Variants in ADGRL4 observed in about 807,000 individuals in gnomAD.
The protein encoded by ADGRL4 is adhesion G protein-coupled receptor L4, also known as EGF, latrophilin and seven transmembrane domain containing 1.
A neutral mutation model predicts 74.8 loss-of-function variants in ADGRL4; 90 were observed. The observed-to-expected ratio is 1.20, with a 90% CI of 1.02 to 1.43. ADGRL4 has a LOEUF of 1.43. Ranked by LOEUF, ADGRL4 falls within the 40% of genes most tolerant of loss-of-function variation. The probability of loss-of-function intolerance (pLI) is 0.00; values close to 1 mark genes in which losing one functional copy is unlikely to be tolerated. For synonymous variants in ADGRL4, 311 were observed against 279.2 expected (o/e 1.11, Z -1.14); for missense variants, 881 against 814.3 (o/e 1.08, Z -1.00).
At chr1:78,924,109 A>G (rs1028265985) in intron 8 of ADGRL4, among the ~76,000 whole-genome samples, 5 of 151,960 alleles carry the variant, frequency 3.3e-5, no homozygotes, top group African/African-American at 1.2e-4. Flanking sequence ...TTCAAAAGAC[A>G]ATAAATTTTA....
chr1:78,988,886 T>C (rs1650549523), intron 2 of ADGRL4, among the ~76,000 whole-genome samples: 1 of 151,864 alleles, frequency 6.6e-6, no homozygotes, highest in Admixed American at 6.6e-5. Flanking sequence ...TTTCCCAGAA[T>C]TAAAAATATA....
At chr1:78,913,868 C>G (rs17412231) in intron 12 of ADGRL4, among the ~76,000 whole-genome samples, 13,302 of 151,908 alleles carry the variant, frequency 0.088, 805 homozygotes, top group Non-Finnish European at 0.14. Flanking sequence ...TGAGGGATAG[C>G]AAGGCCCCGA....
intron 2 of ADGRL4, among the ~76,000 whole-genome samples, chr1:78,959,783 G>A (rs1250937165): frequency 1.3e-5 from 2 of 152,040 alleles, no homozygotes; most frequent in East Asian, 1.9e-4. Context: ...GAGCATTCAC[G>A]TACCTTGCTC....
At chr1:79,000,836 A>T (rs1650825231) in intron 2 of ADGRL4, among the ~76,000 whole-genome samples, 1 of 152,260 alleles carries the variant, frequency 6.6e-6, no homozygotes, top group East Asian at 1.9e-4. Context: ...AAAGAAATAT[A>T]AACCTCTCTT....
At chr1:78,993,653 C>G (rs1243798975) in intron 2 of ADGRL4, among the ~76,000 whole-genome samples, 2 of 151,822 alleles carry the variant, frequency 1.3e-5, no homozygotes, top group African/African-American at 2.4e-5. Context: ...ACTGAAAGCT[C>G]CACCTCCTGG....
At chr1:78,966,649 C>T (rs766426163) in intron 2 of ADGRL4, among the ~76,000 whole-genome samples, 1 of 152,166 alleles carries the variant, frequency 6.6e-6, no homozygotes, top group African/African-American at 2.4e-5. Context: ...CTCACTCCCC[C>T]TCCTCTTCCA....
At chr1:78,982,881 G>GA (rs1449260483) in intron 2 of ADGRL4, among the ~76,000 whole-genome samples, 1 of 151,770 alleles carries the variant, frequency 6.6e-6, no homozygotes, top group Admixed American at 6.6e-5. Context: ...AGCTAAGACT[G>GA]AAAAAATTGT....
rs111779271 is a variant in ADGRL4 at position 78,951,406 on chromosome 1, G to A, written c.173-4980C>T. Among the ~76,000 whole-genome samples the A allele has an allele frequency of 3.2e-3, 488 of 152,232 alleles. 2 individuals are homozygous for A. Among genetic ancestry groups the A allele is most frequent in the African/African-American group, 0.011 (469 of 41,544 alleles). ...AGAAAAAGCCTTTGGGGTTTCACAT[G>A]GTTCAGCCCAACTTGCCAGTAAACT... On this transcript the variant is annotated intron_variant, in intron 2 of 14. Transcript: ENST00000370742.
chr1:79,000,904 T>A (rs1226319714), intron 2 of ADGRL4, among the ~76,000 whole-genome samples: 1 of 152,128 alleles, frequency 6.6e-6, no homozygotes, highest in Admixed American at 6.6e-5. Context: ...CTTTTTCAAG[T>A]TTGCTGTAGT....
At chr1:78,939,034 T>G (rs1649419400) in intron 4 of ADGRL4, among the ~76,000 whole-genome samples, 154 bp downstream of exon 4, 1 of 152,092 alleles carries the variant, frequency 6.6e-6, no homozygotes, top group Admixed American at 6.5e-5. Context: ...CTATCTTTGA[T>G]GCAAACATGA....
chr1:78,944,195 A>G (rs1649548567), intron 3 of ADGRL4, among the ~76,000 whole-genome samples: 1 of 152,190 alleles, frequency 6.6e-6, no homozygotes, highest in Non-Finnish European at 1.5e-5. Context: ...AAACATGATC[A>G]GATAAAAAGA....
At chr1:78,923,542 T>C (rs1043836036) in intron 8 of ADGRL4, among the ~76,000 whole-genome samples, 1 of 151,874 alleles carries the variant, frequency 6.6e-6, no homozygotes, top group Non-Finnish European at 1.5e-5. Context: ...CCCAGACATC[T>C]GAGGACAAGC....
rs755397265 is a variant in ADGRL4 at position 78,921,576 on chromosome 1, G to A, written c.1257+37C>T. The A allele has an allele frequency of 7.0e-6, 9 of 1,293,904 alleles. No homozygotes were observed. The African/African-American group carries it at 1.2e-4, about 18-fold the overall frequency. 80.2% of individuals were successfully genotyped at this position (1,293,904 alleles called of 1,614,324 possible). A position where few individuals can be genotyped will look rare whatever the true frequency, so the allele number is the denominator to read the frequency against. On this transcript the variant is annotated intron_variant, in intron 9 of 14. Transcript: ENST00000370742. ...ATGATGCGGAAAAAAAACAGAAAAA[G>A]CAACATTTATAAATATGAAGGGGAA...
intron 2 of ADGRL4, among the ~76,000 whole-genome samples, chr1:78,967,894 T>C (rs1026959023): frequency 3.9e-5 from 6 of 152,158 alleles, no homozygotes; most frequent in Non-Finnish European, 8.8e-5. Flanking sequence ...TGTTTTAAAC[T>C]GCTACCATAT....
At chr1:78,941,274 TATC>T (rs1214761397) in intron 3 of ADGRL4, among the ~76,000 whole-genome samples, 1 of 152,192 alleles carries the variant, frequency 6.6e-6, no homozygotes, top group African/African-American at 2.4e-5. Flanking sequence ...AGACTAGGGT[TATC>T]ACTTGTCATG....
At chr1:78,937,023 T>C (rs1649368689) in intron 6 of ADGRL4, among the ~76,000 whole-genome samples, 1 of 152,186 alleles carries the variant, frequency 6.6e-6, no homozygotes, top group African/African-American at 2.4e-5. Flanking sequence ...TTTATAGGGA[T>C]CCTCAATTTG....
intron 2 of ADGRL4, among the ~76,000 whole-genome samples, chr1:78,991,997 C>T (rs945799633): frequency 1.1e-4 from 16 of 152,098 alleles, no homozygotes; most frequent in African/African-American, 3.6e-4. Flanking sequence ...TATTCTCAAA[C>T]CATAATCTCT....
intron 12 of ADGRL4, among the ~76,000 whole-genome samples, chr1:78,904,392 G>A (rs1648586487): frequency 6.6e-6 from 1 of 151,856 alleles, no homozygotes; most frequent in South Asian, 2.1e-4. Flanking sequence ...ATATTTTAGT[G>A]AGAATCATAT....
chr1:78,910,277 A>C (rs1218680156), intron 12 of ADGRL4, among the ~76,000 whole-genome samples: 1 of 151,862 alleles, frequency 6.6e-6, no homozygotes. Context: ...ATAAAAATTC[A>C]TTTTGAGTAG....
Sources: allele counts gnomAD v4.1 joint callset (sites outside exome capture counted in the v4.1 genomes callset), GRCh38; gene constraint gnomAD v4.1.1; transcripts MANE v1.5; gene names NCBI Gene and HGNC (gene_info 2026-07-23, HGNC 2026-07-21).